LSAMP: variants seen among roughly 807,000 people sequenced by gnomAD.
The protein encoded by LSAMP is limbic system associated membrane protein.
Under a neutral mutation model 38.6 loss-of-function variants are expected in LSAMP, and 7 were observed. The observed-to-expected ratio is 0.18, with a 90% CI of 0.10 to 0.34. The LOEUF (loss-of-function observed/expected upper bound fraction) is 0.34. LSAMP is among the 10% of genes least tolerant of loss of function. The pLI is 1.00. For synonymous variants in LSAMP, 154 were observed against 166.8 expected (o/e 0.92, Z 0.59); for missense variants, 313 against 420.0 (o/e 0.75, Z 2.23).
intron 1 of LSAMP, among the ~76,000 whole-genome samples, chr3:116,139,333 C>G (rs534827773): frequency 6.6e-6 from 1 of 152,080 alleles, no homozygotes; most frequent in South Asian, 2.1e-4. Flanking sequence ...ACAAAATATT[C>G]TGTTCTGACA....
At chr3:115,960,017 G>T (rs903604184) in intron 3 of LSAMP, among the ~76,000 whole-genome samples, 4 of 152,086 alleles carry the variant, frequency 2.6e-5, no homozygotes, top group Non-Finnish European at 5.9e-5. Context: ...ATGCTGACTG[G>T]TGAACATCCC....
intron 6 of LSAMP, among the ~76,000 whole-genome samples, chr3:115,819,244 C>G (rs1189059038): frequency 6.6e-6 from 1 of 151,894 alleles, no homozygotes; most frequent in Non-Finnish European, 1.5e-5. Context: ...AGGAGTTCGA[C>G]CAACACAGTG....
intron 2 of LSAMP, among the ~76,000 whole-genome samples, chr3:116,039,866 C>G (rs1434931971): frequency 6.6e-6 from 1 of 152,130 alleles, no homozygotes; most frequent in African/African-American, 2.4e-5. Context: ...TTTTCAATGA[C>G]CAGCTTGTCT....
chr3:115,842,682 A>G, intron 4 of LSAMP, 104 bp from the exon 5 acceptor site: 1 of 1,445,514 alleles, frequency 6.9e-7, no homozygotes, highest in Non-Finnish European at 9.4e-7. Context: ...AGAGGCAGGA[A>G]GGGAGCCATC....
At chr3:116,153,987 T>A (rs190160846) in intron 1 of LSAMP, among the ~76,000 whole-genome samples, 2 of 152,174 alleles carry the variant, frequency 1.3e-5, no homozygotes, top group Admixed American at 1.3e-4. Context: ...AAATTGACAA[T>A]CTCCCAAAAT....
chr3:116,273,711 C>T (rs188029024), intron 1 of LSAMP, among the ~76,000 whole-genome samples: 4,108 of 43,554 alleles, frequency 0.094, 173 homozygotes, highest in African/African-American at 0.15. Flanking sequence ...TATATATACA[C>T]ACACACACAC....
At chr3:116,044,143 T>C (rs1559931901) in intron 2 of LSAMP, among the ~76,000 whole-genome samples, 1 of 152,118 alleles carries the variant, frequency 6.6e-6, no homozygotes, top group Non-Finnish European at 1.5e-5. Context: ...TCAGGGAAAA[T>C]GCTCAGGCTT....
At chr3:116,200,602 G>C (rs2045974960) in intron 1 of LSAMP, among the ~76,000 whole-genome samples, 1 of 152,138 alleles carries the variant, frequency 6.6e-6, no homozygotes, top group Admixed American at 6.5e-5. Flanking sequence ...AATATTCTTT[G>C]TCATAAAATC....
chr3:116,377,256 T>C (rs1000101111), intron 1 of LSAMP, among the ~76,000 whole-genome samples: 1 of 151,760 alleles, frequency 6.6e-6, no homozygotes, highest in African/African-American at 2.4e-5. Context: ...CAGGCCCAAG[T>C]GTATGTTGTT....
chr3:115,812,222 G>C (rs182153308), intron 6 of LSAMP, among the ~76,000 whole-genome samples: 1 of 152,096 alleles, frequency 6.6e-6, no homozygotes, highest in Non-Finnish European at 1.5e-5. Context: ...TATAAAATGA[G>C]CTGTATTATG....
At chr3:116,262,752 G>A (rs1243389720) in intron 1 of LSAMP, among the ~76,000 whole-genome samples, 1 of 152,194 alleles carries the variant, frequency 6.6e-6, no homozygotes, top group Non-Finnish European at 1.5e-5. Flanking sequence ...AAAAGTTGAA[G>A]GGGATATCAT....
intron 4 of LSAMP, among the ~76,000 whole-genome samples, chr3:115,844,432 A>G (rs1207622445): frequency 6.6e-6 from 1 of 152,210 alleles, no homozygotes; most frequent in African/African-American, 2.4e-5. Context: ...TTTTTAAAAA[A>G]GAAGCTAGCT....
At position 116,022,412 on chromosome 3, in the gene LSAMP, G is replaced by A. The variant is rs567792237; in HGVS notation, c.389-2772C>T. ...TTTCCCATCCACACCTCAACCTTCA[G>A]TGCAATCTGGATTCTCTCCTTAACC... is the stretch of plus-strand genomic sequence containing the variant. On this transcript the variant is annotated intron_variant, in intron 2 of 6. Transcript: ENST00000490035. Among the ~76,000 whole-genome samples the A allele has an allele frequency of 2.0e-5, 3 of 152,072 alleles. No individual in the cohort carries two copies. In the East Asian group the frequency reaches 5.8e-4, roughly 29 times the overall value.
chr3:116,315,510 C>A (rs2047616875), intron 1 of LSAMP, among the ~76,000 whole-genome samples: 1 of 152,134 alleles, frequency 6.6e-6, no homozygotes, highest in Non-Finnish European at 1.5e-5. Context: ...CCCTATCTGA[C>A]AAAGACCTAG....
intron 3 of LSAMP, among the ~76,000 whole-genome samples, chr3:115,965,149 G>A (rs538515086): frequency 1.5e-3 from 226 of 152,010 alleles, no homozygotes; most frequent in South Asian, 6.8e-3. Context: ...TATTAGGCAA[G>A]TATATATTTG....
chr3:116,206,935 C>G (rs2046077863), intron 1 of LSAMP, among the ~76,000 whole-genome samples: 1 of 150,144 alleles, frequency 6.7e-6, no homozygotes, highest in Non-Finnish European at 1.5e-5. Flanking sequence ...TGGTGCAGAG[C>G]TGAGTTCAAT....
chr3:115,915,378 C>A (rs1937228366), intron 3 of LSAMP, among the ~76,000 whole-genome samples: 1 of 152,200 alleles, frequency 6.6e-6, no homozygotes, highest in Non-Finnish European at 1.5e-5. Context: ...TTGTTGACTA[C>A]AGAATTTTTC....
intron 1 of LSAMP, among the ~76,000 whole-genome samples, chr3:116,319,472 C>A (rs1050535692): frequency 2.6e-5 from 4 of 152,128 alleles, no homozygotes; most frequent in African/African-American, 9.7e-5. Flanking sequence ...TCATACTAGC[C>A]TATGTAACAC....
At chr3:115,902,123 TC>T (rs1936891187) in intron 3 of LSAMP, among the ~76,000 whole-genome samples, 1 of 152,092 alleles carries the variant, frequency 6.6e-6, no homozygotes, top group Non-Finnish European at 1.5e-5. Context: ...TAGTGGATAA[TC>T]TATAACATTA....
Sources: gnomAD v4.1 joint callset for allele counts (sites outside exome capture counted in the v4.1 genomes callset) on GRCh38, gnomAD v4.1.1 for gene constraint, MANE v1.5 for transcripts, NCBI Gene and HGNC (gene_info 2026-07-23, HGNC 2026-07-21) for gene names.